Variants in CTNND2 observed in about 807,000 individuals in gnomAD.
CTNND2 encodes catenin delta 2, also known as catenin delta-2.
A neutral mutation model predicts 144.4 loss-of-function variants in CTNND2; 22 were observed. The ratio of observed to expected loss-of-function variants is 0.15; its 90% CI spans 0.11 to 0.22. CTNND2 has a LOEUF of 0.22. CTNND2 is among the 10% of genes least tolerant of loss of function. The pLI is 1.00. For synonymous variants in CTNND2, 751 were observed against 695.6 expected (o/e 1.08, Z -1.25); for missense variants, 1,353 against 1,618.8 (o/e 0.84, Z 2.82).
rs1356930031 is a variant in CTNND2, at chr5:11,626,307, GCTTA to G, written c.175-61255_175-61252del. On this transcript the variant is annotated intron_variant, in intron 2 of 21. Transcript: ENST00000304623. ...ATATGTAAGGCTGATTGCTTGTTGT[GCTTA>G]CTGATTACCTCATTTAAAGTTTTAA... 2.0e-5 allele frequency among the ~76,000 whole-genome samples: 3 copies of G among 152,070 alleles called. No individual in the cohort carries two copies. The East Asian group carries it at 5.8e-4, about 29-fold the overall frequency.
chr5:11,004,059 T>C (rs1385878880), intron 18 of CTNND2, among the ~76,000 whole-genome samples: 1 of 152,218 alleles, frequency 6.6e-6, no homozygotes, highest in Non-Finnish European at 1.5e-5. Context: ...AAAATGTATA[T>C]GATTTAGTAG....
At chr5:11,376,773 G>A (rs1020745531) in intron 7 of CTNND2, among the ~76,000 whole-genome samples, 1 of 152,124 alleles carries the variant, frequency 6.6e-6, no homozygotes, top group African/African-American at 2.4e-5. Flanking sequence ...ATGTTTGTCA[G>A]GGGGTGTCAA....
At chr5:11,440,773 G>A (rs1476958350) in intron 3 of CTNND2, among the ~76,000 whole-genome samples, 2 of 152,176 alleles carry the variant, frequency 1.3e-5, no homozygotes, top group Non-Finnish European at 2.9e-5. Context: ...TCTAATGTAT[G>A]AAGAAATATG....
chr5:11,097,017 T>C (rs1158194514), intron 15 of CTNND2, among the ~76,000 whole-genome samples: 3 of 152,174 alleles, frequency 2.0e-5, no homozygotes, highest in Admixed American at 6.5e-5. Flanking sequence ...TCTTGGCCTA[T>C]CACATCTTGC....
chr5:11,629,769 CAAG>C (rs2126462275), intron 2 of CTNND2, among the ~76,000 whole-genome samples: 1 of 152,172 alleles, frequency 6.6e-6, no homozygotes, highest in African/African-American at 2.4e-5. Context: ...CTCCTGGGCT[CAAG>C]CAATCCTCCC....
intron 1 of CTNND2, among the ~76,000 whole-genome samples, chr5:11,765,217 A>C (rs1789512713): frequency 6.6e-6 from 1 of 152,218 alleles, no homozygotes. Context: ...ATAATGAAAC[A>C]AATGTTAAAA....
chr5:11,789,166 C>T (rs1161248309), intron 1 of CTNND2, among the ~76,000 whole-genome samples: 1 of 152,128 alleles, frequency 6.6e-6, no homozygotes, highest in Non-Finnish European at 1.5e-5. Context: ...GTGGTGATTT[C>T]TCAAGGATCT....
Position 11,545,206 on chromosome 5 carries a change from C to T in CTNND2, c.287+19738G>A, listed in dbSNP as rs1406836543. ...GCATGGTGGCAGGCGCCTGTAATCCCAGCTACTAGGAGGGCTGTGGAAGGA... is the reference window on the plus strand; with the variant it reads ...GCATGGTGGCAGGCGCCTGTAATCCTAGCTACTAGGAGGGCTGTGGAAGGA... On this transcript the variant is annotated intron_variant, in intron 3 of 21. Transcript: ENST00000304623. 6.6e-5 allele frequency among the ~76,000 whole-genome samples: 10 copies of T among 151,198 alleles called. No individual in the cohort carries two copies. The South Asian group carries it at 2.1e-3, about 32-fold the overall frequency.
intron 1 of CTNND2, among the ~76,000 whole-genome samples, chr5:11,828,709 CAT>C (rs1793732526): frequency 6.6e-6 from 1 of 152,104 alleles, no homozygotes; most frequent in African/African-American, 2.4e-5. Flanking sequence ...CCCAGTCTCA[CAT>C]ATGTCTTTAT....
intron 9 of CTNND2, among the ~76,000 whole-genome samples, chr5:11,329,611 T>C (rs1387050735): frequency 6.6e-6 from 1 of 152,168 alleles, no homozygotes; most frequent in Non-Finnish European, 1.5e-5. Context: ...TTACCCACAC[T>C]GGAGAGATGC....
intron 9 of CTNND2, among the ~76,000 whole-genome samples, chr5:11,292,247 A>C (rs1023988529): frequency 6.6e-5 from 10 of 152,144 alleles, no homozygotes; most frequent in Non-Finnish European, 1.2e-4. Flanking sequence ...TCTAGTGCCC[A>C]ATACCTTAGA....
At chr5:11,566,968 C>T (rs556110666) in intron 2 of CTNND2, among the ~76,000 whole-genome samples, 3 of 152,238 alleles carry the variant, frequency 2.0e-5, no homozygotes, top group South Asian at 4.1e-4. Context: ...TATTATGGTG[C>T]AGTTCTTTGG....
chr5:11,195,889 G>A (rs1047974543), intron 11 of CTNND2, among the ~76,000 whole-genome samples: 3 of 152,100 alleles, frequency 2.0e-5, no homozygotes, highest in Admixed American at 6.5e-5. Context: ...CAATAGCTTC[G>A]ATTGGATTTA....
chr5:10,988,302 C>T lies in CTNND2; in HGVS notation c.3212-60G>A. ...TCTCATCCCACAGCGTGTGTGCCTTCCACACAGTCAGGGTCCTCACTATGC... is the reference window on the plus strand; with the variant it reads ...TCTCATCCCACAGCGTGTGTGCCTTTCACACAGTCAGGGTCCTCACTATGC... On this transcript the variant is annotated intron_variant, in intron 19 of 21. Coordinates refer to ENST00000304623, the MANE Select transcript of CTNND2 (RefSeq NM_001332.4). This position sits in a 1 kb window ranked among gnomAD's most constrained non-coding sequence, Gnocchi z 5.9. 6.3e-7 allele frequency: 1 copy of T among 1,598,402 alleles called. No individual in the cohort carries two copies. The highest frequency in any genetic ancestry group is 1.1e-5 in the South Asian group (1 of 89,590).
chr5:11,153,625 C>G (rs887658163), intron 12 of CTNND2, among the ~76,000 whole-genome samples: 3 of 152,068 alleles, frequency 2.0e-5, no homozygotes, highest in Non-Finnish European at 4.4e-5. Context: ...GTTAAAATGA[C>G]TAATTGAGGG....
intron 3 of CTNND2, among the ~76,000 whole-genome samples, chr5:11,471,588 G>A (rs932165622): frequency 7.2e-5 from 11 of 152,290 alleles, no homozygotes; most frequent in African/African-American, 2.4e-4. Context: ...CAAATTGAGA[G>A]CACTTGATAC....
At chr5:11,741,181 C>T (rs2126763907) in intron 1 of CTNND2, among the ~76,000 whole-genome samples, 1 of 152,196 alleles carries the variant, frequency 6.6e-6, no homozygotes, top group South Asian at 2.1e-4. Context: ...GGATCTAGGA[C>T]TAGAAATACC....
chr5:11,301,462 T>C (rs919919678), intron 9 of CTNND2, among the ~76,000 whole-genome samples: 9 of 152,098 alleles, frequency 5.9e-5, no homozygotes, highest in African/African-American at 2.2e-4. Flanking sequence ...GGGTGTGCCA[T>C]GAAGGAACTG....
At chr5:11,289,883 G>T (rs568947371) in intron 9 of CTNND2, among the ~76,000 whole-genome samples, 1 of 152,302 alleles carries the variant, frequency 6.6e-6, no homozygotes, top group African/African-American at 2.4e-5. Flanking sequence ...TTCCAGGGAA[G>T]GGCTCCCATG....
Sources: gnomAD v4.1 joint callset for allele counts (sites outside exome capture counted in the v4.1 genomes callset) on GRCh38, gnomAD v4.1.1 for gene constraint, Gnocchi (gnomAD v3.1) non-coding constraint, MANE v1.5 for transcripts, NCBI Gene and HGNC (gene_info 2026-07-23, HGNC 2026-07-21) for gene names.